The following BPTF variants were observed in gnomAD, a reference collection of about 807,000 sequenced individuals.
BPTF encodes nucleosome-remodeling factor subunit BPTF.
In BPTF, 18 loss-of-function variants were observed where a neutral mutation model predicts 292.5. The observed-to-expected ratio is 0.06, with a 90% CI of 0.04 to 0.09. BPTF has a LOEUF of 0.09. Among genes scored for constraint, BPTF ranks in the 10% least tolerant of loss-of-function variants. BPTF has a pLI of 1.00. For synonymous variants in BPTF, 1,225 were observed against 1,251.9 expected (o/e 0.98, Z 0.45); for missense variants, 2,726 against 3,498.7 (o/e 0.78, Z 5.57).
At chr17:67,834,704 C>G (rs1229990404) in intron 1 of BPTF, among the ~76,000 whole-genome samples, 1 of 152,140 alleles carries the variant, frequency 6.6e-6, no homozygotes, top group African/African-American at 2.4e-5. Flanking sequence ...CTGAAATGGG[C>G]TTTTAATATC....
chr17:67,889,697 A>G (rs1180814638), intron 4 of BPTF, among the ~76,000 whole-genome samples: 1 of 152,176 alleles, frequency 6.6e-6, no homozygotes, highest in Non-Finnish European at 1.5e-5. Context: ...AATCCCAGCT[A>G]CTTGGGAGGC....
intron 1 of BPTF, among the ~76,000 whole-genome samples, chr17:67,828,361 A>G (rs2056315987): frequency 6.6e-6 from 1 of 152,182 alleles, no homozygotes; most frequent in African/African-American, 2.4e-5. Flanking sequence ...TCTGGTTAAA[A>G]AGAGCTGAGA....
chr17:67,965,928 G>C (rs1430478837), intron 25 of BPTF: 3 of 152,258 alleles, frequency 2.0e-5, no homozygotes, highest in Admixed American at 6.6e-5. Context: ...GCACATGTTG[G>C]CACGCACTTG....
chr17:67,884,234 T>C (rs925711581), intron 4 of BPTF, among the ~76,000 whole-genome samples: 6 of 150,980 alleles, frequency 4.0e-5, no homozygotes, highest in African/African-American at 1.5e-4. Flanking sequence ...GCCTCCCAAG[T>C]AGCTGGGATT....
At chr17:67,900,155 AG>A (rs1466968721) in intron 7 of BPTF, among the ~76,000 whole-genome samples, 1 of 152,002 alleles carries the variant, frequency 6.6e-6, no homozygotes, top group Non-Finnish European at 1.5e-5. Context: ...CCCAGGCTAG[AG>A]GGCAGTGGCG....
chr17:67,926,498 G>C (rs1020981806), intron 15 of BPTF, among the ~76,000 whole-genome samples: 1 of 151,312 alleles, frequency 6.6e-6, no homozygotes, highest in Middle Eastern at 3.5e-3. Flanking sequence ...CTAATTTTTT[G>C]TATTTTTAGT....
At chr17:67,871,013 C>T (rs62084245) in intron 3 of BPTF, among the ~76,000 whole-genome samples, 28,249 of 151,510 alleles carry the variant, frequency 0.19, 3,647 homozygotes, top group East Asian at 0.66. Flanking sequence ...CCTCGTGATC[C>T]GCCCGCCTCG....
chr17:67,916,074 G>A (rs2062963423), intron 11 of BPTF, among the ~76,000 whole-genome samples: 1 of 152,158 alleles, frequency 6.6e-6, no homozygotes, highest in Non-Finnish European at 1.5e-5. Context: ...GGTATGGTCT[G>A]AAAGTGACAG....
In BPTF at chr17:67,913,244, A is replaced by T. The variant is rs2062764461; in HGVS notation, c.5303+57A>T. 6 of 1,497,666 alleles carry T rather than the reference A, an allele frequency of 4.0e-6. No individual in the cohort carries two copies. The Admixed American group carries it at 1.4e-4, about 34-fold the overall frequency. 92.8% of individuals were successfully genotyped at this position (1,497,666 alleles called of 1,614,324 possible). On this transcript the variant is annotated intron_variant, in intron 11 of 27. Coordinates refer to ENST00000306378, the MANE Select transcript of BPTF (RefSeq NM_182641.4). ...AGAAAATTTTAAAAAGAATTATCTCACAAGAATATCTCATTTTTAAAAAAT... is the reference window on the plus strand; with the variant it reads ...AGAAAATTTTAAAAAGAATTATCTCTCAAGAATATCTCATTTTTAAAAAAT...
In BPTF at chr17:67,881,979, C is replaced by T. The variant is rs867584632; in HGVS notation, c.1864+6959C>T. Among the ~76,000 whole-genome samples the T allele has an allele frequency of 9.4e-5, 14 of 148,338 alleles. No homozygotes were observed. The East Asian group carries it at 1.4e-3, about 15-fold the overall frequency. On this transcript the variant is annotated intron_variant, in intron 4 of 27. Transcript: ENST00000306378. ...CCTCCTGAGTAGCTGGGATTACAGG[C>T]GCCCACAACCACACCCAGCTAATTT...
intron 1 of BPTF, among the ~76,000 whole-genome samples, chr17:67,826,563 C>T (rs540720797): frequency 6.7e-6 from 1 of 148,240 alleles, no homozygotes; most frequent in East Asian, 2.1e-4. Context: ...TTGCAGGCCA[C>T]ACTCGCTCGC....
At chr17:67,971,346 T>G (rs1555690752) in intron 26 of BPTF, among the ~76,000 whole-genome samples, 3 of 151,972 alleles carry the variant, frequency 2.0e-5, no homozygotes, top group Non-Finnish European at 4.4e-5. Context: ...CCCAAAGTGC[T>G]GGGATTATAG....
chr17:67,865,985 T>C (rs946792805), intron 2 of BPTF, among the ~76,000 whole-genome samples: 1 of 134,096 alleles, frequency 7.5e-6, no homozygotes, highest in Admixed American at 7.2e-5. Context: ...CTGGGTATCG[T>C]GGCACATGTC....
intron 2 of BPTF, among the ~76,000 whole-genome samples, chr17:67,865,007 C>T (rs926634170): frequency 1.3e-5 from 2 of 151,982 alleles, no homozygotes; most frequent in African/African-American, 4.8e-5. Context: ...CGGGTTTCAC[C>T]GTGTTAACCG....
chr17:67,910,807 A>T lies in BPTF; in HGVS notation c.2993-70A>T, dbSNP rs528365396. The T allele has an allele frequency of 9.9e-5, 114 of 1,148,896 alleles. No homozygotes were observed. In the African/African-American group the frequency reaches 1.5e-3, roughly 15 times the overall value. 71.2% of individuals were successfully genotyped at this position (1,148,896 alleles called of 1,614,324 possible). ...AGAGTGAGACTCCATCTCAAAAAAA[A>T]AAATATATATATATAAATTCCTCCT... On this transcript the variant is annotated intron_variant, in intron 10 of 27. Coordinates refer to ENST00000306378, the MANE Select transcript of BPTF (RefSeq NM_182641.4).
chr17:67,853,900 A>C, intron 1 of BPTF, 40 bp from the exon 2 acceptor site: 3 of 1,468,980 alleles, frequency 2.0e-6, no homozygotes, highest in Non-Finnish European at 1.9e-6. Context: ...GAAATGATGT[A>C]ATGTATTGAT....
Position 67,912,434 on chromosome 17 carries a change from C to A in BPTF, c.4550C>A (p.Thr1517Lys), listed in dbSNP as rs1187779866. Residue 1517 changes from threonine (T) to lysine (K), a missense_variant, in exon 11 of 28, where the codon ACA becomes AAA. Physicochemically the swap from Thr to Lys is moderately conservative, Grantham distance 78. Around this residue, in one of 22 missense-constraint regions of BPTF, gnomAD observed 713 missense variants for 714.9 expected, o/e 1.00. Coordinates refer to ENST00000306378, the MANE Select transcript of BPTF (RefSeq NM_182641.4). ...GAGTCTGACAGTACACAGACGACCA[C>A]ACCCTCAGCATCTTGTCCAGAAAGC... ...TKESDSTQTTTPSASCPESNS... is the reference protein window; with the variant it reads ...TKESDSTQTTKPSASCPESNS... 6.2e-7 allele frequency: 1 copy of A among 1,613,668 alleles called. No individual in the cohort carries two copies. Among genetic ancestry groups the A allele is most frequent in the African/African-American group, 1.3e-5 (1 of 74,848 alleles).
At position 67,952,893 on chromosome 17, in the gene BPTF, T is replaced by G. The variant is rs538499574; in HGVS notation, c.7926+4587T>G. Among the ~76,000 whole-genome samples the G allele has an allele frequency of 4.4e-4, 67 of 152,312 alleles. 2 individuals carry two copies. The highest frequency in any genetic ancestry group is 1.7e-3 in the South Asian group (8 of 4,828). On this transcript the variant is annotated intron_variant, in intron 23 of 27. Coordinates refer to ENST00000306378, the MANE Select transcript of BPTF (RefSeq NM_182641.4). ...GTGCTAGTCTTTTTGATAAAATAAT[T>G]TGTTTTTTAATAAAGCTTATACCTT...
intron 7 of BPTF, among the ~76,000 whole-genome samples, chr17:67,896,516 A>T (rs2061466981): frequency 6.6e-6 from 1 of 152,176 alleles, no homozygotes; most frequent in Admixed American, 6.5e-5. Flanking sequence ...AAAAATTTTT[A>T]AAAAGAAAAA....
Sources: allele counts gnomAD v4.1 joint callset (sites outside exome capture counted in the v4.1 genomes callset), GRCh38; gene constraint gnomAD v4.1.1; regional missense constraint gnomAD v4.1.1; transcripts MANE v1.5; gene names NCBI Gene and HGNC (gene_info 2026-07-23, HGNC 2026-07-21).